The following FNIP2 variants were observed in gnomAD, a reference collection of about 807,000 sequenced individuals.
The protein encoded by FNIP2 is folliculin-interacting protein 2.
A neutral mutation model predicts 108.7 loss-of-function variants in FNIP2; 32 were observed. The observed-to-expected ratio is 0.29, with a 90% CI of 0.22 to 0.40. The LOEUF is 0.40. FNIP2 is among the 10% of genes least tolerant of loss of function. The pLI, the probability that FNIP2 is intolerant of heterozygous loss-of-function variation, is 1.00. For missense variants in FNIP2, 1,202 were observed against 1,381.6 expected (o/e 0.87, Z 2.06); for synonymous variants, 480 against 496.7 (o/e 0.97, Z 0.45).
At chr4:158,897,686 G>A (rs1412611427) in intron 16 of FNIP2, among the ~76,000 whole-genome samples, 1 of 151,790 alleles carries the variant, frequency 6.6e-6, no homozygotes, top group Non-Finnish European at 1.5e-5. Context: ...TTTTGATGGG[G>A]TTGTTTTTTT....
At chr4:158,782,688 C>T (rs142330157) in intron 1 of FNIP2, among the ~76,000 whole-genome samples, 158 of 151,984 alleles carry the variant, frequency 1.0e-3, no homozygotes, top group African/African-American at 3.5e-3. Flanking sequence ...TCAGTTCTCA[C>T]GATTGTTGTA....
At chr4:158,901,128 A>ATTTTTTTTTTTTTTTTTTTTTTTTTTT (rs140017298) in intron 16 of FNIP2, among the ~76,000 whole-genome samples, 1 of 112,302 alleles carries the variant, frequency 8.9e-6, no homozygotes, top group Non-Finnish European at 1.7e-5. Context: ...CTGGGTTGAA[A>ATTTTTTTTTTTTTTTTTTTTTTTTTTT]TTTTTTTTTT....
intron 14 of FNIP2, among the ~76,000 whole-genome samples, chr4:158,884,126 C>T (rs1781884123): frequency 6.6e-6 from 1 of 151,984 alleles, no homozygotes; most frequent in Non-Finnish European, 1.5e-5. Flanking sequence ...ACGTGAAATA[C>T]TAGTCATTTA....
At chr4:158,861,563 T>A (rs1780299402) in intron 11 of FNIP2, 44 bp from the exon 12 acceptor site, 1 of 1,613,648 alleles carries the variant, frequency 6.2e-7, no homozygotes, top group African/African-American at 1.3e-5. Flanking sequence ...TGTGCCTCTT[T>A]CTGTATTGAC....
At chr4:158,884,978 TAAAAA>T (rs34333695) in intron 14 of FNIP2, among the ~76,000 whole-genome samples, 1 of 120,176 alleles carries the variant, frequency 8.3e-6, no homozygotes, top group Non-Finnish European at 1.7e-5. Context: ...CTACCTCTGC[TAAAAA>T]AAAAAAAAAA....
intron 1 of FNIP2, among the ~76,000 whole-genome samples, chr4:158,789,017 G>A (rs1180459200): frequency 1.3e-5 from 2 of 152,200 alleles, no homozygotes; most frequent in Non-Finnish European, 2.9e-5. Flanking sequence ...CAACTCCAGG[G>A]GCTGTGACCT....
intron 15 of FNIP2, among the ~76,000 whole-genome samples, chr4:158,892,872 C>T (rs1021637773): frequency 8.5e-5 from 13 of 152,228 alleles, no homozygotes; most frequent in African/African-American, 2.7e-4. Context: ...TAATTACCTA[C>T]GCTAATTGCT....
chr4:158,799,557 C>T (rs991290786), intron 1 of FNIP2, among the ~76,000 whole-genome samples: 5 of 152,186 alleles, frequency 3.3e-5, no homozygotes, highest in African/African-American at 1.2e-4. Context: ...AATGAGAGAT[C>T]TGTGAATGAT....
chr4:158,774,068 C>A (rs897978908), intron 1 of FNIP2, among the ~76,000 whole-genome samples: 2 of 152,144 alleles, frequency 1.3e-5, no homozygotes, highest in Non-Finnish European at 2.9e-5. Flanking sequence ...ACTCTAATAG[C>A]CTGACTTCAC....
chr4:158,823,325 G>C (rs1316535508), intron 1 of FNIP2, among the ~76,000 whole-genome samples: 1 of 152,118 alleles, frequency 6.6e-6, no homozygotes, highest in Non-Finnish European at 1.5e-5. Context: ...GAGTGCAGTG[G>C]TGCGATCTCG....
In FNIP2 at chr4:158,870,480, C is replaced by G; in HGVS notation, c.2949+11C>G. 6.3e-7 allele frequency: 1 copy of G among 1,599,322 alleles called. No homozygotes were observed. Among genetic ancestry groups the G allele is most frequent in the Non-Finnish European group, 8.5e-7 (1 of 1,171,866 alleles). ...GTCCACACAGTCCATGTAAGTGATC[C>G]CAGTGTGGAGCCTCTGGCTGCTGAC... On this transcript the variant is annotated intron_variant, in intron 14 of 16. Coordinates refer to ENST00000264433, the MANE Select transcript of FNIP2 (RefSeq NM_020840.3).
intron 1 of FNIP2, among the ~76,000 whole-genome samples, chr4:158,772,971 C>T (rs1775745563): frequency 6.6e-6 from 1 of 152,020 alleles, no homozygotes; most frequent in South Asian, 2.1e-4. Flanking sequence ...TGACTAAGGG[C>T]CGGATTGTGA....
Position 158,861,697 on chromosome 4 carries a change from C to T in FNIP2, c.1386C>T (p.Ala462=). Residue 462 remains alanine (A), a synonymous_variant, in exon 12 of 17, where the codon GCC becomes GCT. Transcript: ENST00000264433. ...VMPVDHPPIK[A]FSEKRTSQSV... ...CTGTGGATCACCCTCCCATCAAAGCCTTCTCAGAGAAACGTACCTCCCAGT... is the reference window on the plus strand; with the variant it reads ...CTGTGGATCACCCTCCCATCAAAGCTTTCTCAGAGAAACGTACCTCCCAGT... The T allele has an allele frequency of 1.2e-6, 2 of 1,614,042 alleles. No homozygotes were observed. The highest frequency in any genetic ancestry group is 1.3e-5 in the African/African-American group (1 of 75,058).
intron 8 of FNIP2, among the ~76,000 whole-genome samples, chr4:158,856,426 T>A (rs1779985817): frequency 6.6e-6 from 1 of 152,230 alleles, no homozygotes; most frequent in South Asian, 2.1e-4. Context: ...GTACTTACAA[T>A]GTATATAAAT....
rs1779699917 is a variant in FNIP2, at chr4:158,851,498, CT to C, written c.857+50del. 7.5e-6 allele frequency: 12 copies of C among 1,599,038 alleles called. 1 individual carries two copies. The highest frequency in any genetic ancestry group is 6.7e-5 in the South Asian group (6 of 89,250). ...CTGAGAAAAGTAGGAGTGTAGGCAGCTTGATGAAACTGGCAGGGAGGCTGTT... is the reference window on the plus strand; with the variant it reads ...CTGAGAAAAGTAGGAGTGTAGGCAGCTGATGAAACTGGCAGGGAGGCTGTT... On this transcript the variant is annotated intron_variant, in intron 8 of 16. Transcript: ENST00000264433.
chr4:158,861,272 CT>C, intron 10 of FNIP2, 69 bp from the exon 11 acceptor site: 1 of 1,499,388 alleles, frequency 6.7e-7, no homozygotes, highest in South Asian at 1.3e-5. Context: ...CTCCTTTATT[CT>C]TTTACACCAA....
At chr4:158,830,089 C>A (rs1001865613) in intron 3 of FNIP2, among the ~76,000 whole-genome samples, 6 of 151,922 alleles carry the variant, frequency 3.9e-5, no homozygotes, top group Non-Finnish European at 7.4e-5. Flanking sequence ...CCCTTGTACC[C>A]CAAGAAAAAG....
intron 1 of FNIP2, among the ~76,000 whole-genome samples, chr4:158,801,037 G>A (rs1482123750): frequency 6.6e-6 from 1 of 152,024 alleles, no homozygotes. Flanking sequence ...TTATTTCCCA[G>A]GTAGTTCCAC....
intron 14 of FNIP2, chr4:158,889,754 C>A: frequency 1.1e-6 from 1 of 904,740 alleles, no homozygotes; most frequent in Non-Finnish European, 1.3e-6. Context: ...AAATGCAAAG[C>A]AGTGAAGGAG....
Sources: gnomAD v4.1 joint callset for allele counts (sites outside exome capture counted in the v4.1 genomes callset) on GRCh38, gnomAD v4.1.1 for gene constraint, MANE v1.5 for transcripts, NCBI Gene and HGNC (gene_info 2026-07-23, HGNC 2026-07-21) for gene names.